FAM234A: variants seen among roughly 807,000 people sequenced by gnomAD.
FAM234A encodes family with sequence similarity 234 member A.
In FAM234A, 42 loss-of-function variants were observed where a neutral mutation model predicts 49.1. That is an observed-to-expected ratio of 0.86 (90% CI 0.67 to 1.11). The LOEUF (loss-of-function observed/expected upper bound fraction) is 1.11, where lower values mean the gene tolerates loss of function less well. Ranked by LOEUF, FAM234A falls within the 50% of genes least tolerant of loss-of-function variation. The pLI is 0.00. For synonymous variants in FAM234A, 369 were observed against 316.2 expected (o/e 1.17, Z -1.77); for missense variants, 815 against 745.2 (o/e 1.09, Z -1.09).
chr16:264,132 C>T lies in FAM234A; in HGVS notation c.1305C>T (p.Phe435=), dbSNP rs904695916. The T allele has an allele frequency of 2.5e-6, 4 of 1,609,102 alleles. No individual in the cohort carries two copies. The highest frequency in any genetic ancestry group is 3.4e-6 in the Non-Finnish European group (4 of 1,179,620). ...CCGCAGACCACCGCTCAGCCTTCTT[C>T]TTCTGGGGCCTCCACGAGCTGGGGA... ...LPTADHRSAF[F]FWGLHELGST... Residue 435 remains phenylalanine, a synonymous_variant, in exon 11 of 13, where the codon TTC becomes TTT. Transcript: ENST00000399932.
At chr16:237,808 A>G (rs1450174132) in intron 1 of FAM234A, among the ~76,000 whole-genome samples, 1 of 146,914 alleles carries the variant, frequency 6.8e-6, no homozygotes, top group Non-Finnish European at 1.5e-5. Flanking sequence ...TGGTCCAGCT[A>G]TTCTCTTGCC....
intron 1 of FAM234A, among the ~76,000 whole-genome samples, chr16:238,765 CAAAAAAAAAAAAAA>C (rs34366851): frequency 5.3e-5 from 2 of 37,898 alleles, no homozygotes; most frequent in Non-Finnish European, 8.9e-5. Flanking sequence ...GACTCCGTCT[CAAAAAAAAAAAAAA>C]AAAAAAAGAA....
rs1228062213 is a variant in FAM234A, at chr16:236,898, G to A, written c.-140+2041G>A. Among the ~76,000 whole-genome samples, 2 of 48,438 alleles carry A rather than the reference G, an allele frequency of 4.1e-5. 1 individual carries two copies. The highest frequency in any genetic ancestry group is 1.2e-4 in the Non-Finnish European group (2 of 16,032). The allele number at this position is 48,438 out of a possible 152,430, so 31.8% of individuals were successfully genotyped here. A position where few individuals can be genotyped will look rare whatever the true frequency, so the allele number is the denominator to read the frequency against. On this transcript the variant is annotated intron_variant, in intron 1 of 12. Transcript: ENST00000399932. Reference sequence around the variant, plus strand: ...CTCCAGCCTGGGCCACAGCGAGACTGTCTCAAAAAAATAAAATAAAATAAA... The same window carrying A: ...CTCCAGCCTGGGCCACAGCGAGACTATCTCAAAAAAATAAAATAAAATAAA...
At chr16:257,724 A>C (rs576290902) in intron 3 of FAM234A, among the ~76,000 whole-genome samples, 1 of 152,056 alleles carries the variant, frequency 6.6e-6, no homozygotes, top group East Asian at 1.9e-4. Context: ...AGTGGCTCAC[A>C]CCTGTAATTC....
At chr16:239,219 G>A in intron 1 of FAM234A, among the ~76,000 whole-genome samples, 1 of 137,226 alleles carries the variant, frequency 7.3e-6, no homozygotes, top group Non-Finnish European at 1.5e-5. Context: ...AGAATCGCTT[G>A]AACCCAGGAG....
chr16:237,886 TA>T (rs2050457702), intron 1 of FAM234A, among the ~76,000 whole-genome samples: 2 of 151,930 alleles, frequency 1.3e-5, no homozygotes, highest in African/African-American at 2.4e-5. Flanking sequence ...TTATTTTTAG[TA>T]AAGACGGGGT....
chr16:267,084 C>T (rs2051712843), downstream of FAM234A, among the ~76,000 whole-genome samples: 1 of 152,152 alleles, frequency 6.6e-6, no homozygotes, highest in Admixed American at 6.5e-5. Flanking sequence ...CCTGCACCCC[C>T]AGACTGTGAA....
At chr16:254,288 T>TC (rs2051138545) in intron 2 of FAM234A, 93 bp from the exon 3 acceptor site, 1 of 989,480 alleles carries the variant, frequency 1.0e-6, no homozygotes, top group African/African-American at 1.6e-5. Flanking sequence ...CTGCAGCCAG[T>TC]CCCCAAGAAG....
intron 1 of FAM234A, among the ~76,000 whole-genome samples, chr16:241,248 C>T (rs1596744529): frequency 3.4e-5 from 5 of 146,950 alleles, no homozygotes; most frequent in African/African-American, 7.9e-5. Flanking sequence ...TTATCTTGAC[C>T]GCAGAGGAGG....
intron 7 of FAM234A, 86 bp from the exon 8 acceptor site, chr16:262,338 G>T (rs186676341): frequency 5.8e-6 from 9 of 1,561,616 alleles, no homozygotes; most frequent in African/African-American, 2.7e-5. Flanking sequence ...AAGCCCAGGG[G>T]CCTGGCTCCA....
intron 1 of FAM234A, among the ~76,000 whole-genome samples, chr16:243,247 A>G (rs1567208922): frequency 1.3e-5 from 2 of 152,066 alleles, no homozygotes; most frequent in East Asian, 3.9e-4. Flanking sequence ...CCAAAGCACT[A>G]GGATTATAGG....
In FAM234A at chr16:263,787, T is replaced by G; in HGVS notation, c.1188+12T>G. On this transcript the variant is annotated intron_variant, in intron 10 of 12. Coordinates refer to ENST00000399932, the MANE Select transcript of FAM234A (RefSeq NM_032039.4). ...GCACCGACAGACAGGTTCGTTGTTC[T>G]TCCTTCGGAGGTGGCACCTTTGTTC... The G allele has an allele frequency of 6.2e-7, 1 of 1,606,220 alleles. No individual in the cohort carries two copies. The highest frequency in any genetic ancestry group is 1.1e-5 in the South Asian group (1 of 90,906).
chr16:265,556 C>T lies in FAM234A; in HGVS notation c.*534C>T. 1 of 986,026 alleles carries T rather than the reference C, an allele frequency of 1.0e-6. No individual in the cohort carries two copies. Among genetic ancestry groups the T allele is most frequent in the African/African-American group, 1.7e-5 (1 of 57,352 alleles). 61.1% of individuals were successfully genotyped at this position (986,026 alleles called of 1,614,324 possible). ...GGGCCTCAACGGGAACCTGAGACAG[C>T]TCCAGCTTCGCAGCCCTTCCCGGAG... On this transcript the variant is annotated 3_prime_UTR_variant, in exon 13 of 13. Coordinates refer to ENST00000399932, the MANE Select transcript of FAM234A (RefSeq NM_032039.4).
intron 5 of FAM234A, chr16:260,538 C>T (rs1169757467): frequency 1.2e-5 from 6 of 483,804 alleles, no homozygotes; most frequent in Non-Finnish European, 1.3e-5. Flanking sequence ...GCACTCGGCC[C>T]GTCAGGGGAG....
chr16:260,892 G>C (rs889624846), intron 5 of FAM234A: 1 of 329,134 alleles, frequency 3.0e-6, no homozygotes, highest in Admixed American at 4.1e-5. Context: ...GCCTCCGGGC[G>C]CACACCTCCA....
chr16:236,702 C>T (rs1186046846), intron 1 of FAM234A, among the ~76,000 whole-genome samples: 1 of 150,074 alleles, frequency 6.7e-6, no homozygotes, highest in African/African-American at 2.4e-5. Flanking sequence ...GTCAGGAGAT[C>T]GAGACCATCG....
At chr16:269,095 C>A, downstream of FAM234A, 1 of 928,070 alleles carries the variant, frequency 1.1e-6, no homozygotes, top group Non-Finnish European at 1.7e-6. Flanking sequence ...GCAGGGAGGG[C>A]TTGCTGGAGG....
intron 1 of FAM234A, among the ~76,000 whole-genome samples, chr16:244,808 C>T (rs753726552): frequency 6.6e-6 from 1 of 151,196 alleles, no homozygotes; most frequent in Non-Finnish European, 1.5e-5. Context: ...CTGCCTCAGC[C>T]TCCCGAGTAG....
intron 2 of FAM234A, among the ~76,000 whole-genome samples, chr16:251,038 C>G (rs1427391307): frequency 6.6e-6 from 1 of 152,160 alleles, no homozygotes; most frequent in Non-Finnish European, 1.5e-5. Flanking sequence ...CTCACTGCAA[C>G]TTCCACCTCC....
Sources: gnomAD v4.1 joint callset for allele counts (sites outside exome capture counted in the v4.1 genomes callset) on GRCh38, gnomAD v4.1.1 for gene constraint, MANE v1.5 for transcripts, NCBI Gene and HGNC (gene_info 2026-07-23, HGNC 2026-07-21) for gene names.